The following PRPF3 variants were observed in gnomAD, a reference collection of about 807,000 sequenced individuals.
PRPF3 encodes U4/U6 small nuclear ribonucleoprotein Prp3.
Under a neutral mutation model 89.2 loss-of-function variants are expected in PRPF3, and 3 were observed. That is an observed-to-expected ratio of 0.03 (90% confidence interval 0.02 to 0.09). The LOEUF (loss-of-function observed/expected upper bound fraction) is 0.09, where lower values mean the gene tolerates loss of function less well. Ranked by LOEUF, PRPF3 falls within the 10% of genes least tolerant of loss-of-function variation. The pLI, the probability that PRPF3 is intolerant of heterozygous loss-of-function variation, is 1.00. For missense variants in PRPF3, 463 were observed against 828.8 expected, an observed-to-expected ratio of 0.56 and a Z score of 5.42; for synonymous variants, 270 against 289.1, an observed-to-expected ratio of 0.93 and a Z score of 0.67.
chr1:150,347,286 A>G (rs698918), intron 14 of PRPF3, among the ~76,000 whole-genome samples: 81,980 of 151,338 alleles, frequency 0.54, 23,066 homozygotes, highest in Non-Finnish European at 0.62. Flanking sequence ...ACACACACAC[A>G]CACATACATA....
chr1:150,336,831 A>G (rs1028813704), intron 7 of PRPF3, among the ~76,000 whole-genome samples: 3 of 151,772 alleles, frequency 2.0e-5, no homozygotes, highest in Non-Finnish European at 2.9e-5. Context: ...TCGTTTCTAC[A>G]TAAGTGGAAA....
chr1:150,331,370 C>A (rs1294322013), intron 4 of PRPF3, among the ~76,000 whole-genome samples: 1 of 149,916 alleles, frequency 6.7e-6, no homozygotes, highest in Non-Finnish European at 1.5e-5. Flanking sequence ...TTCTTTCTTT[C>A]TTTACTTATT....
At chr1:150,337,845 C>T (rs1289466415) in intron 7 of PRPF3, among the ~76,000 whole-genome samples, 4 of 151,610 alleles carry the variant, frequency 2.6e-5, no homozygotes, top group African/African-American at 7.3e-5. Context: ...GAGGCCGAGG[C>T]GGGCAGATCA....
In PRPF3 at chr1:150,346,393, C is replaced by G; in HGVS notation, c.1760-15C>G. 1 of 1,610,504 alleles carries G rather than the reference C, an allele frequency of 6.2e-7. No individual in the cohort carries two copies. Among genetic ancestry groups the G allele is most frequent in the Non-Finnish European group, 8.5e-7 (1 of 1,176,690 alleles). ...CTTCCACAGTTCTGGCAAAATTATT[C>G]TTCTCTGTTTCCAGGCCCCAAGGCC... On this transcript the variant is annotated splice_polypyrimidine_tract_variant and intron_variant, in intron 13 of 15. Coordinates refer to ENST00000324862, the MANE Select transcript of PRPF3 (RefSeq NM_004698.4).
chr1:150,346,917 C>T (rs1658322309), intron 14 of PRPF3, among the ~76,000 whole-genome samples: 1 of 152,000 alleles, frequency 6.6e-6, no homozygotes, highest in Non-Finnish European at 1.5e-5. Context: ...GTGGTGAAAC[C>T]CCATATCTAC....
chr1:150,330,907 C>CG (rs1185305865), intron 4 of PRPF3, among the ~76,000 whole-genome samples: 1 of 142,730 alleles, frequency 7.0e-6, no homozygotes, highest in Non-Finnish European at 1.5e-5. Context: ...TTAGTAGAGA[C>CG]GGGGTTTCAC....
chr1:150,323,614 G>C (rs763356995), intron 1 of PRPF3, among the ~76,000 whole-genome samples: 3 of 118,348 alleles, frequency 2.5e-5, no homozygotes, highest in Non-Finnish European at 5.1e-5. Context: ...CAGCCTGGGC[G>C]ACGGAGTGAG....
intron 2 of PRPF3, 141 bp downstream of exon 2, chr1:150,325,228 A>C: frequency 1.2e-5 from 11 of 895,156 alleles, no homozygotes. Flanking sequence ...TATAGTGAAA[A>C]TAGGCTAAAT....
In PRPF3 at chr1:150,325,785, C is replaced by A. The variant is rs781912255; in HGVS notation, c.180C>A (p.Leu60=). 1 of 1,613,590 alleles carries A rather than the reference C, an allele frequency of 6.2e-7. No individual in the cohort carries two copies. The stretch of plus-strand genomic sequence containing the variant: ...AACCTTTTCTTGATGATTCTACTCT[C>A]CGATTTGTGGACAAACTGTTTGAGG... ...HLKPFLDDST[L]RFVDKLFEAV... The change falls in exon 3 of 16, where the codon CTC becomes CTA. Residue 60 remains leucine, a synonymous_variant. Transcript: ENST00000324862.
intron 5 of PRPF3, 67 bp downstream of exon 5, chr1:150,332,834 A>G: frequency 1.3e-6 from 2 of 1,559,926 alleles, no homozygotes; most frequent in African/African-American, 2.7e-5. Context: ...TCCACTCAAA[A>G]TGAGAGACTA....
intron 9 of PRPF3, 70 bp from the exon 10 acceptor site, chr1:150,343,239 A>G (rs972494149): frequency 1.1e-3 from 472 of 417,620 alleles, no homozygotes; most frequent in Admixed American, 1.8e-3. Flanking sequence ...GAGAGAGAGA[A>G]AAAAAAAAAA....
At chr1:150,325,910 T>C in intron 3 of PRPF3, 29 bp downstream of exon 3, 1 of 1,608,694 alleles carries the variant, frequency 6.2e-7, no homozygotes, top group Non-Finnish European at 8.5e-7. Flanking sequence ...TCTAATGAGC[T>C]CAGGACTGTT....
In PRPF3 at chr1:150,324,908, T is replaced by C. The variant is rs782519413; in HGVS notation, c.-35T>C. ...TTTTTTTTTTAGGTGTAGTATTGAG[T>C]CCTGTTTGAGCTATTGTTCTCTTTT... On this transcript the variant is annotated 5_prime_UTR_variant, in exon 2 of 16. Transcript: ENST00000324862. 6.2e-7 allele frequency: 1 copy of C among 1,604,232 alleles called. No homozygotes were observed. Among genetic ancestry groups the C allele is most frequent in the Non-Finnish European group, 8.5e-7 (1 of 1,174,032 alleles).
intron 14 of PRPF3, among the ~76,000 whole-genome samples, chr1:150,347,659 C>T (rs1055950473): frequency 7.3e-5 from 11 of 150,996 alleles, no homozygotes; most frequent in Non-Finnish European, 1.3e-4. Flanking sequence ...ACCTGGCAGG[C>T]GGAGGTTGCA....
intron 4 of PRPF3, among the ~76,000 whole-genome samples, chr1:150,331,654 C>T (rs1457393647): frequency 2.0e-5 from 3 of 152,188 alleles, no homozygotes; most frequent in African/African-American, 7.2e-5. Flanking sequence ...CGTGAGCCAC[C>T]ATGCCTGACC....
At chr1:150,340,366 T>A in intron 8 of PRPF3, 32 bp from the exon 9 acceptor site, 1 of 1,429,916 alleles carries the variant, frequency 7.0e-7, no homozygotes, top group Non-Finnish European at 9.9e-7. Context: ...TCTACCCGCA[T>A]ATCGTGTTTT....
At chr1:150,337,377 C>T (rs993997544) in intron 7 of PRPF3, among the ~76,000 whole-genome samples, 7 of 152,010 alleles carry the variant, frequency 4.6e-5, no homozygotes, top group Non-Finnish European at 8.8e-5. Context: ...CAGGCATATA[C>T]TGTGGAGTGC....
At position 150,353,028 on chromosome 1, in the gene PRPF3, C is replaced by T; in HGVS notation, c.*49C>T. 3 of 1,609,806 alleles carry T rather than the reference C, an allele frequency of 1.9e-6. No individual in the cohort carries two copies. Among genetic ancestry groups the T allele is most frequent in the Non-Finnish European group, 2.5e-6 (3 of 1,176,662 alleles). Reference sequence around the variant, plus strand: ...CCTCCCTTGCCTTTGTCTCTTCAGTCCTCTCACTTATTCTATTTCCCAACC... The same window carrying T: ...CCTCCCTTGCCTTTGTCTCTTCAGTTCTCTCACTTATTCTATTTCCCAACC... On this transcript the variant is annotated 3_prime_UTR_variant, in exon 16 of 16. Coordinates refer to ENST00000324862, the MANE Select transcript of PRPF3 (RefSeq NM_004698.4).
Position 150,342,505 on chromosome 1 carries a change from TACACAC to T in PRPF3, c.1283-788_1283-783del, listed in dbSNP as rs147409085. Reference sequence around the variant, plus strand: ...TTCTTCATTTTCTATTTAAAGTTTATACACACACACACACACACACATGTTTTTTGA... The same window carrying T: ...TTCTTCATTTTCTATTTAAAGTTTATACACACACACACACATGTTTTTTGA... On this transcript the variant is annotated intron_variant, in intron 9 of 15. Transcript: ENST00000324862. Among the ~76,000 whole-genome samples, 4 of 150,834 alleles carry T rather than the reference TACACAC, an allele frequency of 2.7e-5. No homozygotes were observed. The East Asian group carries it at 7.8e-4, about 29-fold the overall frequency.
Sources: allele counts gnomAD v4.1 joint callset (sites outside exome capture counted in the v4.1 genomes callset), GRCh38; gene constraint gnomAD v4.1.1; transcripts MANE v1.5; gene names NCBI Gene and HGNC (gene_info 2026-07-23, HGNC 2026-07-21).